The following EIF3H variants were observed in gnomAD, a reference collection of about 807,000 sequenced individuals.
The protein encoded by EIF3H is eukaryotic translation initiation factor 3 subunit H.
In EIF3H, 26 loss-of-function variants were observed where a neutral mutation model predicts 44.2. That is an observed-to-expected ratio of 0.59 (90% CI 0.43 to 0.82). The LOEUF (loss-of-function observed/expected upper bound fraction) is 0.82, where lower values mean the gene tolerates loss of function less well. EIF3H is among the 40% of genes least tolerant of loss of function. The pLI, the probability that EIF3H is intolerant of heterozygous loss-of-function variation, is 0.00. For missense variants in EIF3H, 359 were observed against 432.8 expected, an observed-to-expected ratio of 0.83 and a Z score of 1.51; for synonymous variants, 166 against 151.9, an observed-to-expected ratio of 1.09 and a Z score of -0.68.
chr8:116,658,552 A>T, intron 3 of EIF3H: 1 of 348,592 alleles, frequency 2.9e-6, no homozygotes, highest in Non-Finnish European at 5.2e-6. Flanking sequence ...CCCTTCAATG[A>T]GGGAGGGGAG....
At chr8:116,743,801 C>T (rs62510191) in intron 1 of EIF3H, among the ~76,000 whole-genome samples, 23,232 of 57,962 alleles carry the variant, frequency 0.4, 3,202 homozygotes, top group Non-Finnish European at 0.45. Flanking sequence ...TATATATAAA[C>T]ACACACACAC....
At chr8:116,704,427 A>T (rs756957655) in intron 2 of EIF3H, among the ~76,000 whole-genome samples, 14 of 152,262 alleles carry the variant, frequency 9.2e-5, no homozygotes, top group Non-Finnish European at 1.8e-4. Flanking sequence ...ATACCATTCA[A>T]GAGTACTGCC....
chr8:116,691,249 T>C (rs902507269), intron 2 of EIF3H, among the ~76,000 whole-genome samples: 1 of 152,184 alleles, frequency 6.6e-6, no homozygotes. Context: ...TACCACACTT[T>C]GAAAGAAATG....
chr8:116,718,471 T>C (rs1814689663), intron 2 of EIF3H, among the ~76,000 whole-genome samples: 1 of 152,124 alleles, frequency 6.6e-6, no homozygotes, highest in Non-Finnish European at 1.5e-5. Context: ...CCAGCCCAAA[T>C]GCTCATCAAT....
chr8:116,706,535 A>AT (rs776840658), intron 2 of EIF3H, among the ~76,000 whole-genome samples: 3 of 151,970 alleles, frequency 2.0e-5, no homozygotes, highest in South Asian at 4.2e-4. Flanking sequence ...TTATTTATTT[A>AT]TTTATTTTAT....
intron 3 of EIF3H, 186 bp downstream of exon 3, chr8:116,658,627 G>C (rs1813531989): frequency 1.9e-6 from 1 of 532,578 alleles, no homozygotes; most frequent in Non-Finnish European, 3.2e-6. Context: ...GGCTCTGATA[G>C]CAAGAAAAAT....
At chr8:116,742,085 GAAAA>G (rs577454934) in intron 1 of EIF3H, among the ~76,000 whole-genome samples, 199 of 133,496 alleles carry the variant, frequency 1.5e-3, no homozygotes, top group African/African-American at 5.3e-3. Flanking sequence ...ACTTCAATAG[GAAAA>G]AAAAAAAAAA....
intron 2 of EIF3H, among the ~76,000 whole-genome samples, chr8:116,662,501 T>C (rs775155421): frequency 3.9e-5 from 6 of 152,178 alleles, no homozygotes; most frequent in African/African-American, 9.7e-5. Context: ...TGTTTCTGTT[T>C]ATTATAAGCC....
intron 1 of EIF3H, among the ~76,000 whole-genome samples, chr8:116,755,013 T>C (rs1815416390): frequency 6.6e-6 from 1 of 152,200 alleles, no homozygotes; most frequent in Non-Finnish European, 1.5e-5. Context: ...ACAACAGAAA[T>C]AAAATTTCTC....
intron 7 of EIF3H, among the ~76,000 whole-genome samples, chr8:116,645,883 G>A (rs1183017295): frequency 6.6e-6 from 1 of 152,190 alleles, no homozygotes. Flanking sequence ...GTAAGGATCT[G>A]ACTGAATCAG....
chr8:116,697,068 C>G (rs1449214139), intron 2 of EIF3H: 1 of 456,086 alleles, frequency 2.2e-6, no homozygotes, highest in Non-Finnish European at 4.4e-6. Flanking sequence ...CAGCTGGGAT[C>G]TCTCTCCTGA....
chr8:116,766,176 C>T lies in EIF3H; in HGVS notation c.-688G>A, dbSNP rs1425730131. On this transcript the variant is annotated 5_prime_UTR_variant, in exon 1 of 10. Transcript: ENST00000276682. ...TAAGGTAAATCACTTAGGACAGTGT[C>T]TGGAACATATTAAGGCTCAATATTA... The T allele has an allele frequency of 1.9e-5, 3 of 160,390 alleles. No homozygotes were observed. In the Admixed American group the frequency reaches 1.9e-4, roughly 10 times the overall value. The allele number at this position is 160,390 out of a possible 1,614,324, so 9.9% of individuals were successfully genotyped here. A position where few individuals can be genotyped will look rare whatever the true frequency, so the allele number is the denominator to read the frequency against.
chr8:116,644,318 A>T lies in EIF3H; in HGVS notation c.*688T>A, dbSNP rs1025802074. ...GGTGGGAGAATCGCTTGAACTCAGA[A>T]GGTGGAGGTTGCAGCGAGCTGAGAT... On this transcript the variant is annotated 3_prime_UTR_variant, in exon 8 of 8. Coordinates refer to ENST00000521861, the MANE Select transcript of EIF3H (RefSeq NM_003756.3). 1 of 152,362 alleles carries T rather than the reference A, an allele frequency of 6.6e-6. No individual in the cohort carries two copies. Among genetic ancestry groups the T allele is most frequent in the Non-Finnish European group, 1.5e-5 (1 of 68,150 alleles). The allele number at this position is 152,362 out of a possible 1,614,324, so 9.4% of individuals were successfully genotyped here.
chr8:116,681,561 G>A (rs1372599271), intron 2 of EIF3H, among the ~76,000 whole-genome samples: 2 of 151,398 alleles, frequency 1.3e-5, no homozygotes, highest in African/African-American at 2.4e-5. Context: ...AGCTACTAAG[G>A]AGGCTGAGGC....
intron 3 of EIF3H, chr8:116,658,177 A>G (rs1445291937): frequency 6.6e-6 from 1 of 152,184 alleles, no homozygotes; most frequent in Non-Finnish European, 1.5e-5. Flanking sequence ...GATTGATCGT[A>G]TTCATTAGTA....
At chr8:116,667,456 C>T (rs1194046806) in intron 2 of EIF3H, among the ~76,000 whole-genome samples, 1 of 83,146 alleles carries the variant, frequency 1.2e-5, no homozygotes, top group East Asian at 2.8e-4. Flanking sequence ...ACTGTTTGTA[C>T]AACTTCACAA....
At chr8:116,714,720 GA>G (rs1425281436) in intron 2 of EIF3H, among the ~76,000 whole-genome samples, 5 of 151,762 alleles carry the variant, frequency 3.3e-5, no homozygotes, top group African/African-American at 1.2e-4. Flanking sequence ...TGCAACAAAA[GA>G]AAGAGAGTTT....
At chr8:116,665,161 T>C (rs190613899) in intron 2 of EIF3H, among the ~76,000 whole-genome samples, 2 of 152,336 alleles carry the variant, frequency 1.3e-5, no homozygotes, top group South Asian at 2.1e-4. Flanking sequence ...TTCTGAATCA[T>C]TGAAGCACAG....
At position 116,754,358 on chromosome 8, in the gene EIF3H, G is replaced by A. The variant is rs530021295; in HGVS notation, c.132+1308C>T. ...GAACTCCTGACCTCCTGATCCGCCC[G>A]CCTCGGCCTCCCAAAGTGCTGGGAT... On this transcript the variant is annotated intron_variant, in intron 1 of 7. Transcript: ENST00000521861. 3.9e-5 allele frequency among the ~76,000 whole-genome samples: 6 copies of A among 152,166 alleles called. No individual in the cohort carries two copies. In the East Asian group the frequency reaches 5.8e-4, roughly 15 times the overall value.
Sources: allele counts gnomAD v4.1 joint callset (sites outside exome capture counted in the v4.1 genomes callset), GRCh38; gene constraint gnomAD v4.1.1; transcripts MANE v1.5; gene names NCBI Gene and HGNC (gene_info 2026-07-23, HGNC 2026-07-21).